Variants in DEAF1 observed in about 807,000 individuals in gnomAD.
DEAF1 encodes the protein deformed epidermal autoregulatory factor 1 homolog.
Under a neutral mutation model 58.9 loss-of-function variants are expected in DEAF1, and 53 were observed. The ratio of observed to expected loss-of-function variants is 0.90; its 90% CI spans 0.72 to 1.13. DEAF1 has a LOEUF of 1.13. DEAF1 is among the 50% of genes most tolerant of loss of function. The pLI, the probability that DEAF1 is intolerant of heterozygous loss-of-function variation, is 0.00. For synonymous variants in DEAF1, 385 were observed against 340.4 expected (o/e 1.13, Z -1.44); for missense variants, 685 against 791.4 (o/e 0.87, Z 1.61).
chr11:654,555 G>C (rs2133292564), intron 10 of DEAF1: 1 of 455,352 alleles, frequency 2.2e-6, no homozygotes, highest in African/African-American at 2.0e-5. Flanking sequence ...CCTCAGTGCA[G>C]TTTGCCCCCT....
At chr11:703,162 C>T (rs188099718) in intron 1 of DEAF1, 43 of 1,594,276 alleles carry the variant, frequency 2.7e-5, no homozygotes, top group African/African-American at 2.5e-4. Flanking sequence ...TACGGACACC[C>T]GGGATACCCC....
intron 11 of DEAF1, 120 bp downstream of exon 11, chr11:653,842 G>T: frequency 1.2e-6 from 1 of 867,368 alleles, no homozygotes; most frequent in South Asian, 1.3e-5. Flanking sequence ...TTCCCAGAGG[G>T]AGGGACAGGG....
chr11:695,518 T>C, upstream of DEAF1: 3 of 998,020 alleles, frequency 3.0e-6, no homozygotes, highest in Non-Finnish European at 2.6e-6. Flanking sequence ...AGAGAGAGCT[T>C]AGTGCCGCGG....
chr11:669,254 A>G (rs531076069), intron 10 of DEAF1, among the ~76,000 whole-genome samples: 2 of 152,162 alleles, frequency 1.3e-5, no homozygotes, highest in South Asian at 2.1e-4. Flanking sequence ...GCCTGGCCGA[A>G]ATAAATCGTA....
At chr11:656,773 G>A (rs1187067469) in intron 10 of DEAF1, among the ~76,000 whole-genome samples, 2 of 152,232 alleles carry the variant, frequency 1.3e-5, no homozygotes, top group South Asian at 2.1e-4. Context: ...TGAACTGAAC[G>A]GGAAGCCTGT....
Position 688,758 on chromosome 11 carries a change from G to C in DEAF1, c.388-298C>G, listed in dbSNP as rs1318558598. ...AAGAAACACCCTCCCTTCCACCTGAGCCGCTCCCACAAGGTCACCGTCTTC... is the reference window on the plus strand; with the variant it reads ...AAGAAACACCCTCCCTTCCACCTGACCCGCTCCCACAAGGTCACCGTCTTC... On this transcript the variant is annotated intron_variant, in intron 2 of 11. Coordinates refer to ENST00000382409, the MANE Select transcript of DEAF1 (RefSeq NM_021008.4). The surrounding 1 kb of genome is among the most constrained non-coding windows in gnomAD (Gnocchi z 4.3). Among the ~76,000 whole-genome samples the C allele has an allele frequency of 6.6e-6, 1 of 152,174 alleles. No individual in the cohort carries two copies. The highest frequency in any genetic ancestry group is 2.4e-5 in the African/African-American group (1 of 41,442).
chr11:673,921 A>G (rs1189645391), intron 10 of DEAF1: 1 of 160,712 alleles, frequency 6.2e-6, no homozygotes, highest in African/African-American at 2.4e-5. Flanking sequence ...CAATCTAAGT[A>G]AAGGGTTCAT....
intron 10 of DEAF1, among the ~76,000 whole-genome samples, chr11:671,191 G>A (rs541026071): frequency 1.3e-4 from 20 of 151,532 alleles, no homozygotes; most frequent in Non-Finnish European, 2.4e-4. Context: ...GCCTCCCAAA[G>A]TGCTGGGATT....
At chr11:681,952 TTA>T (rs1452268100) in intron 6 of DEAF1, among the ~76,000 whole-genome samples, 1 of 152,218 alleles carries the variant, frequency 6.6e-6, no homozygotes, top group African/African-American at 2.4e-5. Flanking sequence ...TCATCTTTTG[TTA>T]AGAATCAGAC....
At chr11:653,083 CAAAAAAAAAAA>C (rs71022946) in intron 11 of DEAF1, among the ~76,000 whole-genome samples, 10 of 62,270 alleles carry the variant, frequency 1.6e-4, no homozygotes, top group East Asian at 6.2e-4. Flanking sequence ...GACTCTGTCT[CAAAAAAAAAAA>C]AAAAAAAAAA....
At chr11:704,521 C>T (rs925460347) in intron 1 of DEAF1, 1 of 1,289,452 alleles carries the variant, frequency 7.8e-7, no homozygotes, top group Non-Finnish European at 1.0e-6. Flanking sequence ...ACCTCCCTCA[C>T]CAGCGCCTGC....
Position 695,179 on chromosome 11 carries a change from G to A in DEAF1, c.-132C>T, listed in dbSNP as rs1564957519. On this transcript the variant is annotated 5_prime_UTR_variant, in exon 1 of 12. Transcript: ENST00000382409. ...CGCCCGAAGCCGCCGCCCGAATAGG[G>A]ACCGAAAAGGCAGCCAGCCGCCGAG... 2 of 828,666 alleles carry A rather than the reference G, an allele frequency of 2.4e-6. No homozygotes were observed. The highest frequency in any genetic ancestry group is 4.8e-5 in the South Asian group (2 of 41,412). 51.3% of individuals were successfully genotyped at this position (828,666 alleles called of 1,614,324 possible).
At position 665,174 on chromosome 11, in the gene DEAF1, G is replaced by C. The variant is rs918278036; in HGVS notation, c.1503+9362C>G. Among the ~76,000 whole-genome samples, 2 of 121,576 alleles carry C rather than the reference G, an allele frequency of 1.6e-5. 1 individual carries two copies. The highest frequency in any genetic ancestry group is 3.7e-5 in the Non-Finnish European group (2 of 54,598). The allele number at this position is 121,576 out of a possible 152,430, so 79.8% of individuals were successfully genotyped here. A position where few individuals can be genotyped will look rare whatever the true frequency, so the allele number is the denominator to read the frequency against. ...AAGTCCTGGCTCAGCTATTCACACC[G>C]AGAGGAGAAGGACAGGGTGTCACAC... On this transcript the variant is annotated intron_variant, in intron 10 of 11. Coordinates refer to ENST00000382409, the MANE Select transcript of DEAF1 (RefSeq NM_021008.4).
chr11:686,645 C>G (rs1860604557), intron 5 of DEAF1, among the ~76,000 whole-genome samples: 1 of 152,254 alleles, frequency 6.6e-6, no homozygotes, highest in Non-Finnish European at 1.5e-5. Context: ...ACAATCCTCA[C>G]AGGGTCACGA....
At chr11:660,774 C>A (rs745476529) in intron 10 of DEAF1, among the ~76,000 whole-genome samples, 3 of 152,242 alleles carry the variant, frequency 2.0e-5, no homozygotes, top group Non-Finnish European at 4.4e-5. Context: ...TAGGCTGACA[C>A]TGGAGAACAA....
At chr11:645,078 G>A (rs1401523056) in intron 11 of DEAF1, among the ~76,000 whole-genome samples, 1 of 150,516 alleles carries the variant, frequency 6.6e-6, no homozygotes, top group African/African-American at 2.4e-5. Context: ...CAGGAGAACT[G>A]CTCAGCCCTG....
intron 1 of DEAF1, chr11:706,304 A>G (rs1861709825): frequency 6.6e-6 from 1 of 151,060 alleles, no homozygotes; most frequent in African/African-American, 2.4e-5. Context: ...CGCTGCGGAC[A>G]CGGGGGAGCG....
At chr11:703,241 G>A (rs1861582450) in intron 1 of DEAF1, 1 of 1,466,036 alleles carries the variant, frequency 6.8e-7, no homozygotes, top group Non-Finnish European at 9.1e-7. Context: ...GGACAGGAAG[G>A]GCACTTTTCC....
intron 10 of DEAF1, among the ~76,000 whole-genome samples, chr11:667,402 G>C (rs1859595473): frequency 6.8e-6 from 1 of 146,186 alleles, no homozygotes; most frequent in South Asian, 2.2e-4. Context: ...GAGGGAGGGA[G>C]GGAGGGAAGG....
Sources: gnomAD v4.1 joint callset for allele counts (sites outside exome capture counted in the v4.1 genomes callset) on GRCh38, gnomAD v4.1.1 for gene constraint, Gnocchi (gnomAD v3.1) non-coding constraint, MANE v1.5 for transcripts, NCBI Gene and HGNC (gene_info 2026-07-23, HGNC 2026-07-21) for gene names.